SNTG1: variants seen among roughly 807,000 people sequenced by gnomAD.
The protein encoded by SNTG1 is syntrophin gamma 1.
In SNTG1, 39 loss-of-function variants were observed where a neutral mutation model predicts 74.7. That is an observed-to-expected ratio of 0.52 (90% CI 0.40 to 0.68). The LOEUF is 0.68. SNTG1 is among the 30% of genes least tolerant of loss of function. SNTG1 has a pLI of 0.00. For missense variants in SNTG1, 685 were observed against 609.5 expected (o/e 1.12, Z -1.30); for synonymous variants, 254 against 217.1 (o/e 1.17, Z -1.49).
chr8:50,045,638 A>G (rs1412448508), intron 1 of SNTG1, among the ~76,000 whole-genome samples: 1 of 152,204 alleles, frequency 6.6e-6, no homozygotes, highest in Non-Finnish European at 1.5e-5. Context: ...AGATAATAAA[A>G]ACTATCAAAA....
At chr8:50,725,028 C>A (rs566619950) in intron 17 of SNTG1, among the ~76,000 whole-genome samples, 1 of 152,168 alleles carries the variant, frequency 6.6e-6, no homozygotes, top group African/African-American at 2.4e-5. Context: ...AAATAAATAT[C>A]ATTCGGCTCA....
chr8:49,923,495 C>A (rs1303670432), intron 1 of SNTG1, among the ~76,000 whole-genome samples: 1 of 152,046 alleles, frequency 6.6e-6, no homozygotes, highest in Admixed American at 6.6e-5. Flanking sequence ...TCAATGTGTA[C>A]TTCCAGAACA....
intron 15 of SNTG1, among the ~76,000 whole-genome samples, chr8:50,670,103 C>T (rs1418588810): frequency 6.6e-6 from 1 of 152,142 alleles, no homozygotes; most frequent in South Asian, 2.1e-4. Flanking sequence ...TGGGCAAAAA[C>T]TGGAAGCATT....
At chr8:50,304,049 T>C (rs569847731) in intron 2 of SNTG1, among the ~76,000 whole-genome samples, 2 of 152,264 alleles carry the variant, frequency 1.3e-5, no homozygotes, top group African/African-American at 2.4e-5. Context: ...CCAAAACTCA[T>C]GTTGAAATTT....
intron 9 of SNTG1, among the ~76,000 whole-genome samples, chr8:50,513,334 G>A (rs543818570): frequency 1.2e-4 from 19 of 152,326 alleles, no homozygotes; most frequent in African/African-American, 4.3e-4. Flanking sequence ...CTACTGGGGG[G>A]TGCCTCTCAG....
At chr8:50,678,753 C>T (rs1442335741) in intron 15 of SNTG1, among the ~76,000 whole-genome samples, 1 of 151,826 alleles carries the variant, frequency 6.6e-6, no homozygotes, top group Non-Finnish European at 1.5e-5. Context: ...GGATTATATC[C>T]CATAACTGGC....
intron 1 of SNTG1, among the ~76,000 whole-genome samples, chr8:49,940,945 T>A (rs879667683): frequency 1.3e-5 from 2 of 152,104 alleles, no homozygotes; most frequent in Non-Finnish European, 2.9e-5. Context: ...CTTTAACTGA[T>A]AAAATCAACA....
chr8:50,557,344 C>G (rs1220319223), intron 12 of SNTG1, among the ~76,000 whole-genome samples: 1 of 152,046 alleles, frequency 6.6e-6, no homozygotes, highest in African/African-American at 2.4e-5. Context: ...TTCTGTTACA[C>G]AGCAATAGGG....
chr8:50,708,020 G>A (rs1055672758), intron 16 of SNTG1: 3 of 300,894 alleles, frequency 1.0e-5, no homozygotes, highest in African/African-American at 2.2e-5. Flanking sequence ...AGCCAAGATG[G>A]TGAAACCCCG....
intron 4 of SNTG1, among the ~76,000 whole-genome samples, chr8:50,408,254 GC>G (rs2092904766): frequency 3.9e-5 from 1 of 25,780 alleles, no homozygotes; most frequent in Non-Finnish European, 7.6e-5. Flanking sequence ...TATCATCCTT[GC>G]TTTAAAGTTC....
intron 1 of SNTG1, among the ~76,000 whole-genome samples, chr8:49,975,850 G>T (rs951343753): frequency 4.6e-5 from 7 of 151,836 alleles, no homozygotes; most frequent in Non-Finnish European, 1.5e-5. Flanking sequence ...ATAAATTAAT[G>T]GGATTGAGAA....
intron 1 of SNTG1, among the ~76,000 whole-genome samples, chr8:49,970,470 G>A (rs974862480): frequency 9.9e-5 from 15 of 152,236 alleles, no homozygotes; most frequent in East Asian, 1.9e-4. Context: ...TTCTCTTCCA[G>A]GGACTAATGC....
intron 10 of SNTG1, among the ~76,000 whole-genome samples, chr8:50,533,096 C>G (rs2094281893): frequency 6.6e-6 from 1 of 152,180 alleles, no homozygotes; most frequent in East Asian, 1.9e-4. Flanking sequence ...TTTGAAGGTA[C>G]ATGAAAGTCA....
chr8:50,349,444 T>A (rs1207540624), intron 2 of SNTG1, among the ~76,000 whole-genome samples: 1 of 152,190 alleles, frequency 6.6e-6, no homozygotes, highest in Non-Finnish European at 1.5e-5. Flanking sequence ...GAGGTATACA[T>A]GATCTATATA....
intron 17 of SNTG1, among the ~76,000 whole-genome samples, chr8:50,747,168 A>G (rs77330889): frequency 6.6e-6 from 1 of 151,908 alleles, no homozygotes; most frequent in Non-Finnish European, 1.5e-5. Context: ...TCTTGGAGCT[A>G]CAAATCTGGA....
chr8:50,302,473 G>A (rs890313873), intron 2 of SNTG1, among the ~76,000 whole-genome samples: 10 of 152,104 alleles, frequency 6.6e-5, no homozygotes, highest in Admixed American at 3.9e-4. Flanking sequence ...TAGTGAGTCT[G>A]CCAGTATCCA....
At chr8:50,336,577 T>C (rs2091151278) in intron 2 of SNTG1, among the ~76,000 whole-genome samples, 2 of 152,238 alleles carry the variant, frequency 1.3e-5, no homozygotes, top group South Asian at 4.1e-4. Context: ...TTATAGTTTG[T>C]CTTTTCAAAA....
At chr8:50,651,577 C>G (rs1381597325) in intron 13 of SNTG1, among the ~76,000 whole-genome samples, 1 of 151,314 alleles carries the variant, frequency 6.6e-6, no homozygotes, top group Non-Finnish European at 1.5e-5. Context: ...CCTGCCTCAG[C>G]CTCCCGAGTA....
chr8:50,398,639 A>G (rs866937445), intron 3 of SNTG1, among the ~76,000 whole-genome samples: 13 of 152,290 alleles, frequency 8.5e-5, no homozygotes, highest in African/African-American at 3.1e-4. Flanking sequence ...TTCGAAGTAA[A>G]TACGAGGCCG....
Sources: allele counts gnomAD v4.1 joint callset (sites outside exome capture counted in the v4.1 genomes callset), GRCh38; gene constraint gnomAD v4.1.1; transcripts MANE v1.5; gene names NCBI Gene and HGNC (gene_info 2026-07-23, HGNC 2026-07-21).